Variants in PTAFR observed in about 807,000 individuals in gnomAD.
PTAFR encodes platelet-activating factor receptor.
PTAFR carries 8 observed loss-of-function variants against 14.7 expected under a neutral mutation model. The observed-to-expected ratio is 0.54, with a 90% CI of 0.32 to 0.98. The LOEUF (loss-of-function observed/expected upper bound fraction) is 0.98. Among genes scored for constraint, PTAFR ranks in the 50% least tolerant of loss-of-function variants. The probability of loss-of-function intolerance (pLI) is 0.04; values close to 1 mark genes in which losing one functional copy is unlikely to be tolerated. For synonymous variants in PTAFR, 156 were observed against 176.5 expected (o/e 0.88, Z 0.92); for missense variants, 337 against 451.2 (o/e 0.75, Z 2.29).
chr1:28,174,048 C>G (rs1646483052), intron 1 of PTAFR, among the ~76,000 whole-genome samples: 1 of 152,164 alleles, frequency 6.6e-6, no homozygotes, highest in East Asian at 1.9e-4. Flanking sequence ...AGCCAGCTCC[C>G]TGTCCACCCC....
At chr1:28,188,787 C>A (rs756291896) in intron 1 of PTAFR, among the ~76,000 whole-genome samples, 1 of 151,854 alleles carries the variant, frequency 6.6e-6, no homozygotes, top group Non-Finnish European at 1.5e-5. Flanking sequence ...ATATTTGCAA[C>A]ATATATAACA....
intron 1 of PTAFR, among the ~76,000 whole-genome samples, chr1:28,187,515 ATTT>A (rs891369938): frequency 6.6e-6 from 1 of 151,986 alleles, no homozygotes; most frequent in Non-Finnish European, 1.5e-5. Flanking sequence ...AGAAAAAAAA[ATTT>A]TTTTTTAAGA....
At chr1:28,178,998 C>CAAA (rs369253626), upstream of PTAFR, among the ~76,000 whole-genome samples, 1 of 146,844 alleles carries the variant, frequency 6.8e-6, no homozygotes, top group Non-Finnish European at 1.5e-5. Flanking sequence ...ATATTTAAAA[C>CAAA]AAAAAAAAAA....
chr1:28,183,784 G>C (rs905666023), intron 1 of PTAFR, among the ~76,000 whole-genome samples: 11 of 152,008 alleles, frequency 7.2e-5, no homozygotes, highest in African/African-American at 2.2e-4. Flanking sequence ...CTACTCAAGA[G>C]GCAGAGGCAG....
chr1:28,164,437 A>G (rs773192597), intron 1 of PTAFR, among the ~76,000 whole-genome samples: 2 of 151,984 alleles, frequency 1.3e-5, no homozygotes, highest in Admixed American at 1.3e-4. Flanking sequence ...AAGTGGGCAC[A>G]CTCTCTTGGA....
chr1:28,181,061 TG>T (rs111323787), upstream of PTAFR, among the ~76,000 whole-genome samples: 956 of 152,224 alleles, frequency 6.3e-3, 11 homozygotes, highest in African/African-American at 0.022. Flanking sequence ...TTGTCCAGGC[TG>T]ATCTCAAACC....
chr1:28,171,976 A>T (rs1191701367), intron 1 of PTAFR, among the ~76,000 whole-genome samples: 2 of 151,974 alleles, frequency 1.3e-5, no homozygotes, highest in East Asian at 3.9e-4. Context: ...AGCACTGGGC[A>T]CATCATGCCT....
chr1:28,149,960 T>C lies in PTAFR; in HGVS notation c.*33A>G, dbSNP rs1408838469. The C allele has an allele frequency of 1.9e-6, 3 of 1,584,468 alleles. No homozygotes were observed. Among genetic ancestry groups the C allele is most frequent in the South Asian group, 2.4e-5 (2 of 85,044 alleles). ...CCCCCAGCTCAGTCCATGATGTTCATGGAGGAGAAGACTTCAGGCCTGGAA... is the reference window on the plus strand; with the variant it reads ...CCCCCAGCTCAGTCCATGATGTTCACGGAGGAGAAGACTTCAGGCCTGGAA... On this transcript the variant is annotated 3_prime_UTR_variant, in exon 2 of 2. Coordinates refer to ENST00000373857, the MANE Select transcript of PTAFR (RefSeq NM_000952.5).
chr1:28,166,131 T>C (rs548017215), intron 1 of PTAFR, among the ~76,000 whole-genome samples: 7 of 152,262 alleles, frequency 4.6e-5, no homozygotes, highest in Non-Finnish European at 7.4e-5. Flanking sequence ...TGGGACAGAA[T>C]AGAGAGACCC....
At chr1:28,184,221 T>C (rs1347081760) in intron 1 of PTAFR, among the ~76,000 whole-genome samples, 3 of 150,392 alleles carry the variant, frequency 2.0e-5, no homozygotes, top group South Asian at 4.2e-4. Flanking sequence ...GCCTCCCAAG[T>C]AGCTACAATT....
At chr1:28,186,982 G>A (rs1028390556) in intron 1 of PTAFR, among the ~76,000 whole-genome samples, 1 of 152,030 alleles carries the variant, frequency 6.6e-6, no homozygotes, top group Non-Finnish European at 1.5e-5. Flanking sequence ...TACCAACGGG[G>A]GTCTCACTAT....
chr1:28,160,637 C>T (rs556477622), intron 1 of PTAFR, among the ~76,000 whole-genome samples: 2 of 146,006 alleles, frequency 1.4e-5, no homozygotes, highest in South Asian at 4.3e-4. Flanking sequence ...TCAAAGTTGG[C>T]TTCCCAGGAA....
chr1:28,167,797 C>T (rs1294738485), intron 1 of PTAFR, among the ~76,000 whole-genome samples: 1 of 151,478 alleles, frequency 6.6e-6, no homozygotes, highest in African/African-American at 2.4e-5. Flanking sequence ...CGCCACCTCG[C>T]CCGGCTAATT....
In PTAFR at chr1:28,148,206, G is replaced by C. The variant is rs1646137777; in HGVS notation, c.*1787C>G. The C allele has an allele frequency of 1.3e-5, 2 of 152,212 alleles. No homozygotes were observed. The highest frequency in any genetic ancestry group is 2.9e-5 in the Non-Finnish European group (2 of 68,072). 9.4% of individuals were successfully genotyped at this position (152,212 alleles called of 1,614,324 possible). ...CAGATACTTGTCTCAGGGCAGGAGA[G>C]GAGGCTCATTTGCATATACTTGCCA... On this transcript the variant is annotated 3_prime_UTR_variant, in exon 2 of 2. Coordinates refer to ENST00000373857, the MANE Select transcript of PTAFR (RefSeq NM_000952.5).
Position 28,150,269 on chromosome 1 carries a change from C to T in PTAFR, c.753G>A (p.Val251=), listed in dbSNP as rs902791269. 11 of 1,612,252 alleles carry T rather than the reference C, an allele frequency of 6.8e-6. No homozygotes were observed. The highest frequency in any genetic ancestry group is 9.3e-6 in the Non-Finnish European group (11 of 1,178,616). Residue 251 remains valine, a synonymous_variant, in exon 2 of 2, where the codon GTG becomes GTA. Coordinates refer to ENST00000373857, the MANE Select transcript of PTAFR (RefSeq NM_000952.5). The surrounding 1 kb of genome is among the most constrained non-coding windows in gnomAD (Gnocchi z 6.3). ...FIICFVPHHV[V]QLPWTLAELG... ...GCTCAGCAAGGGTCCAGGGCAGCTGCACCACGTGGTGGGGCACGAAGCAGA... is the reference window on the plus strand; with the variant it reads ...GCTCAGCAAGGGTCCAGGGCAGCTGTACCACGTGGTGGGGCACGAAGCAGA...
chr1:28,175,591 G>A (rs528497440), intron 1 of PTAFR, among the ~76,000 whole-genome samples: 119 of 152,076 alleles, frequency 7.8e-4, no homozygotes, highest in African/African-American at 2.8e-3. Context: ...ACAGCCCCAT[G>A]TCTGGACCTC....
At chr1:28,163,274 C>G (rs1337064625) in intron 1 of PTAFR, among the ~76,000 whole-genome samples, 1 of 152,180 alleles carries the variant, frequency 6.6e-6, no homozygotes, top group Non-Finnish European at 1.5e-5. Context: ...CTCAGTCTAG[C>G]ACCTGATACA....
intron 1 of PTAFR, among the ~76,000 whole-genome samples, chr1:28,154,831 A>AGGG (rs1553164370): frequency 1.9e-5 from 1 of 53,564 alleles, no homozygotes; most frequent in Non-Finnish European, 3.6e-5. Context: ...AAAAAAAAAA[A>AGGG]GTGGGGGGGG....
chr1:28,159,984 G>A (rs569555709), intron 1 of PTAFR, among the ~76,000 whole-genome samples: 9 of 151,990 alleles, frequency 5.9e-5, no homozygotes, highest in Non-Finnish European at 8.8e-5. Context: ...AGGCCAAGGC[G>A]GAACAATTGC....
Sources: gnomAD v4.1 joint callset for allele counts (sites outside exome capture counted in the v4.1 genomes callset) on GRCh38, gnomAD v4.1.1 for gene constraint, Gnocchi (gnomAD v3.1) non-coding constraint, MANE v1.5 for transcripts, NCBI Gene and HGNC (gene_info 2026-07-23, HGNC 2026-07-21) for gene names.